CNOT1: variants seen among roughly 807,000 people sequenced by gnomAD.
CNOT1 encodes CCR4-NOT transcription complex subunit 1.
In CNOT1, 15 loss-of-function variants were observed where a neutral mutation model predicts 273.8. The ratio of observed to expected loss-of-function variants is 0.05; its 90% CI spans 0.04 to 0.08. CNOT1 has a LOEUF of 0.08. CNOT1 is among the 10% of genes least tolerant of loss of function. CNOT1 has a pLI of 1.00. For missense variants in CNOT1, 1,644 were observed against 2,912.2 expected, an observed-to-expected ratio of 0.56 and a Z score of 10.02; for synonymous variants, 1,022 against 1,005.5, an observed-to-expected ratio of 1.02 and a Z score of -0.31.
chr16:58,520,684 CCAGA>C lies in CNOT1; in HGVS notation c.*270_*273del. 2.2e-6 allele frequency: 1 copy of C among 450,860 alleles called. No individual in the cohort carries two copies. Among genetic ancestry groups the C allele is most frequent in the South Asian group, 2.7e-5 (1 of 37,440 alleles). 27.9% of individuals were successfully genotyped at this position (450,860 alleles called of 1,614,324 possible). A position where few individuals can be genotyped will look rare whatever the true frequency, so the allele number is the denominator to read the frequency against. ...ACAGCTTGCACAAAGCCAAGAAGTT[CCAGA>C]CAAAGGTTTTCTCTTTCATGTATTT... On this transcript the variant is annotated 3_prime_UTR_variant, in exon 49 of 49. Transcript: ENST00000317147.
chr16:58,543,171 G>T (rs920089526), intron 31 of CNOT1: 15 of 1,438,590 alleles, frequency 1.0e-5, no homozygotes, highest in Non-Finnish European at 1.2e-5. Flanking sequence ...CATGATACCT[G>T]AATTATTAAC....
Position 58,534,300 on chromosome 16 carries a change from C to T in CNOT1, c.5742G>A (p.Gln1914=), listed in dbSNP as rs1468721810. The change falls in exon 40 of 49, where the codon CAG becomes CAA. Residue 1914 remains glutamine, a synonymous_variant. Transcript: ENST00000317147. ...EMCVEISYRA[Q]AEQQHNPAAN... ...CAGCAGGATTGTGCTGCTGCTCAGC[C>T]TGAGCACGGTAACTGATTTCAACAC... is the stretch of plus-strand genomic sequence containing the variant. 1 of 1,614,102 alleles carries T rather than the reference C, an allele frequency of 6.2e-7. No homozygotes were observed. The highest frequency in any genetic ancestry group is 2.2e-5 in the East Asian group (1 of 44,860).
rs143699470 is a variant in CNOT1, at chr16:58,621,423, G to A, written c.-175+8305C>T. Among the ~76,000 whole-genome samples, 1,466 of 151,874 alleles carry A rather than the reference G, an allele frequency of 9.7e-3. 22 individuals are homozygous for A. The highest frequency in any genetic ancestry group is 0.034 in the African/African-American group (1,408 of 41,446). Reference sequence around the variant, plus strand: ...CAAGTAGCTGAGATTACAGGCACGCGCCACCACGCCCAACTAATTTTGTAT... The same window carrying A: ...CAAGTAGCTGAGATTACAGGCACGCACCACCACGCCCAACTAATTTTGTAT... On this transcript the variant is annotated intron_variant, in intron 1 of 48. Coordinates refer to ENST00000317147, the MANE Select transcript of CNOT1 (RefSeq NM_016284.5).
intron 19 of CNOT1, among the ~76,000 whole-genome samples, chr16:58,556,466 A>G (rs1178091483): frequency 6.6e-6 from 1 of 152,212 alleles, no homozygotes; most frequent in Non-Finnish European, 1.5e-5. Context: ...AGCATAAAAA[A>G]TTACTAAGGA....
intron 35 of CNOT1, 137 bp downstream of exon 35, chr16:58,539,631 A>AG: frequency 1.1e-6 from 1 of 930,976 alleles, no homozygotes; most frequent in Non-Finnish European, 1.5e-6. Context: ...TTGGAAAAAA[A>AG]AAAAATCACC....
intron 2 of CNOT1, among the ~76,000 whole-genome samples, chr16:58,593,278 G>T (rs954045301): frequency 6.6e-6 from 1 of 152,010 alleles, no homozygotes; most frequent in African/African-American, 2.4e-5. Context: ...ACAAAAAATT[G>T]GCCGGGCGCA....
chr16:58,535,664 TA>T (rs772436652), intron 39 of CNOT1, among the ~76,000 whole-genome samples: 12 of 152,182 alleles, frequency 7.9e-5, no homozygotes, highest in Non-Finnish European at 1.6e-4. Context: ...TGGATTCTTT[TA>T]GGGGAGAAAT....
Position 58,520,908 on chromosome 16 carries a change from G to A in CNOT1, c.*50C>T, listed in dbSNP as rs1379187225. On this transcript the variant is annotated 3_prime_UTR_variant, in exon 49 of 49. Transcript: ENST00000317147. ...GATTCTTCAGTCAGTTTATGAACTC[G>A]GTGCAGTGAGACCTCTAGACTGACA... The A allele has an allele frequency of 5.8e-6, 9 of 1,557,366 alleles. No individual in the cohort carries two copies. Among genetic ancestry groups the A allele is most frequent in the South Asian group, 1.1e-5 (1 of 90,072 alleles).
rs1215398387 is a variant in CNOT1 at position 58,585,416 on chromosome 16, G to C, written c.728C>G (p.Ser243Cys). 5.0e-6 allele frequency: 8 copies of C among 1,613,220 alleles called. No homozygotes were observed. The highest frequency in any genetic ancestry group is 1.3e-5 in the African/African-American group (1 of 74,862). ...CATCATGGTTTTAGCTACCCCTCCG[G>C]AATCAGGCAGGATCCTGTCCATTAG... is the stretch of plus-strand genomic sequence containing the variant. Reference protein sequence around the residue: ...DILMDRILPDSGGVAKTMMES... With the variant: ...DILMDRILPDCGGVAKTMMES... The change falls in exon 8 of 49, where the codon TCC becomes TGC. Residue 243 changes from serine (S) to cysteine (C), a missense_variant. By Grantham distance (112) the Ser-to-Cys change is moderately radical. Coordinates refer to ENST00000317147, the MANE Select transcript of CNOT1 (RefSeq NM_016284.5).
rs532535554 is a variant in CNOT1, at chr16:58,613,762, A to T, written c.-174-14251T>A. Among the ~76,000 whole-genome samples the T allele has an allele frequency of 2.4e-4, 30 of 124,954 alleles. 4 individuals carry two copies. Among genetic ancestry groups the T allele is most frequent in the African/African-American group, 7.8e-4 (29 of 37,190 alleles). The allele number at this position is 124,954 out of a possible 152,430, so 82.0% of individuals were successfully genotyped here. A position where few individuals can be genotyped will look rare whatever the true frequency, so the allele number is the denominator to read the frequency against. ...AATAACTCTTTTGAAAAGTTACATA[A>T]AATAGTTGAGAAAGGAACTGAAGTT... On this transcript the variant is annotated intron_variant, in intron 1 of 48. Transcript: ENST00000317147.
At chr16:58,525,951 T>C (rs758408711) in intron 45 of CNOT1, 38 bp downstream of exon 45, 14 of 1,593,418 alleles carry the variant, frequency 8.8e-6, no homozygotes, top group African/African-American at 1.3e-5. Flanking sequence ...GTGCTTTATA[T>C]GGAAGACGTA....
At chr16:58,602,346 T>C (rs1359533600) in intron 1 of CNOT1, among the ~76,000 whole-genome samples, 1 of 151,932 alleles carries the variant, frequency 6.6e-6, no homozygotes, top group Admixed American at 6.6e-5. Flanking sequence ...GTTGGGATTA[T>C]AAGAGTGAGC....
At chr16:58,581,314 C>T (rs374403459) in intron 11 of CNOT1, 31 bp downstream of exon 11, 6 of 1,564,304 alleles carry the variant, frequency 3.8e-6, no homozygotes, top group South Asian at 2.4e-5. Flanking sequence ...TGTTTTATTC[C>T]CCCATCTATA....
chr16:58,523,074 C>T (rs569984055), intron 47 of CNOT1: 10 of 175,520 alleles, frequency 5.7e-5, no homozygotes, highest in African/African-American at 1.7e-4. Context: ...GGTGAAACCC[C>T]GTCTCTACTA....
At chr16:58,545,948 C>T (rs981719344) in intron 29 of CNOT1, among the ~76,000 whole-genome samples, 1 of 152,196 alleles carries the variant, frequency 6.6e-6, no homozygotes, top group Non-Finnish European at 1.5e-5. Flanking sequence ...ATAAAACAGT[C>T]CCATTCCCTT....
In CNOT1 at chr16:58,526,100, A is replaced by G. The variant is rs1800552478; in HGVS notation, c.6492T>C (p.Ile2164=). 2 of 1,614,102 alleles carry G rather than the reference A, an allele frequency of 1.2e-6. No individual in the cohort carries two copies. The highest frequency in any genetic ancestry group is 2.7e-5 in the African/African-American group (2 of 75,048). Residue 2164 remains isoleucine (I), a synonymous_variant, in exon 45 of 49, where the codon ATT becomes ATC. Coordinates refer to ENST00000317147, the MANE Select transcript of CNOT1 (RefSeq NM_016284.5). ...MLSEINIAPR[I]LTNFTGVMPP... ...GCATTACTCCAGTGAAATTGGTGAG[A>G]ATCCGGGGAGCAATGTTAATTTCAC...
rs2039565283 is a variant in CNOT1 at position 58,525,851 on chromosome 16, A to C, written c.6603+138T>G. 9 of 724,988 alleles carry C rather than the reference A, an allele frequency of 1.2e-5. No homozygotes were observed. In the South Asian group the frequency reaches 1.7e-4, roughly 14 times the overall value. The allele number at this position is 724,988 out of a possible 1,614,324, so 44.9% of individuals were successfully genotyped here. A position where few individuals can be genotyped will look rare whatever the true frequency, so the allele number is the denominator to read the frequency against. On this transcript the variant is annotated intron_variant, in intron 45 of 48. Transcript: ENST00000317147. Reference sequence around the variant, plus strand: ...GATTAAATGAACTAGTAAAATACGTAAATCCAGTTAATCAACCTCACCCAA... The same window carrying C: ...GATTAAATGAACTAGTAAAATACGTCAATCCAGTTAATCAACCTCACCCAA...
In CNOT1 at chr16:58,586,625, G is replaced by C. The variant is rs761529548; in HGVS notation, c.557C>G (p.Ser186Cys). The change falls in exon 7 of 49, where the codon TCC becomes TGC. Residue 186 changes from serine to cysteine, a missense_variant. By Grantham distance (112) the Ser-to-Cys change is moderately radical. Coordinates refer to ENST00000317147, the MANE Select transcript of CNOT1 (RefSeq NM_016284.5). ...TCCCTTCTGCCCAAAGAGGAGATGG[G>C]AGAGGAGGAGGTGTAGGACCTCTAT... ...IAIEVLHLLL[S>C]HLLFGQKGAF... 8.7e-6 allele frequency: 14 copies of C among 1,613,016 alleles called. No homozygotes were observed. In the Middle Eastern group the frequency reaches 1.5e-3, roughly 171 times the overall value.
chr16:58,528,997 A>C (rs1279192955), intron 43 of CNOT1, among the ~76,000 whole-genome samples: 3 of 152,076 alleles, frequency 2.0e-5, no homozygotes, highest in Non-Finnish European at 4.4e-5. Flanking sequence ...GCATATAATA[A>C]ATTTTTTAAA....
Sources: allele counts gnomAD v4.1 joint callset (sites outside exome capture counted in the v4.1 genomes callset), GRCh38; gene constraint gnomAD v4.1.1; transcripts MANE v1.5; gene names NCBI Gene and HGNC (gene_info 2026-07-23, HGNC 2026-07-21).